RPS6KA2: variants seen among roughly 807,000 people sequenced by gnomAD.
RPS6KA2 encodes ribosomal protein S6 kinase A2.
Under a neutral mutation model 91.8 loss-of-function variants are expected in RPS6KA2, and 42 were observed. The observed-to-expected ratio is 0.46, with a 90% CI of 0.36 to 0.59. RPS6KA2 has a LOEUF of 0.59. Among genes scored for constraint, RPS6KA2 ranks in the 20% least tolerant of loss-of-function variants. The probability of loss-of-function intolerance (pLI) is 0.00; values close to 1 mark genes in which losing one functional copy is unlikely to be tolerated. For synonymous variants in RPS6KA2, 414 were observed against 393.6 expected, an observed-to-expected ratio of 1.05 and a Z score of -0.61; for missense variants, 798 against 978.5, an observed-to-expected ratio of 0.82 and a Z score of 2.46.
intron 2 of RPS6KA2, among the ~76,000 whole-genome samples, chr6:166,698,074 G>A (rs192638110): frequency 6.6e-6 from 1 of 152,320 alleles, no homozygotes; most frequent in East Asian, 1.9e-4. Flanking sequence ...GTCCGGCTGG[G>A]ATTCCTGTCT....
rs1331535043 is a variant in RPS6KA2 at position 166,770,447 on chromosome 6, C to A, written c.123+87753G>T. Among the ~76,000 whole-genome samples the A allele has an allele frequency of 2.4e-5, 3 of 126,752 alleles. No individual in the cohort carries two copies. The East Asian group carries it at 8.5e-4, about 36-fold the overall frequency. The allele number at this position is 126,752 out of a possible 152,430, so 83.2% of individuals were successfully genotyped here. ...GACACAGCCCCAGGCAGCTTCAGCA[C>A]CCCCACGTTTGCCTCGCTGCCATGG... On this transcript the variant is annotated intron_variant, in intron 2 of 21. Transcript: ENST00000503859. The surrounding 1 kb of genome is among the most constrained non-coding windows in gnomAD (Gnocchi z 5.1).
At chr6:166,505,560 G>A (rs956419423) in intron 5 of RPS6KA2, among the ~76,000 whole-genome samples, 8 of 152,356 alleles carry the variant, frequency 5.3e-5, no homozygotes, top group South Asian at 4.1e-4. Flanking sequence ...GTAAGCAGAC[G>A]TGAAAAATCA....
intron 1 of RPS6KA2, among the ~76,000 whole-genome samples, chr6:166,552,450 C>T (rs1784050351): frequency 6.6e-6 from 1 of 152,196 alleles, no homozygotes; most frequent in Non-Finnish European, 1.5e-5. Context: ...AAGATGTGGG[C>T]TTGAGAACTT....
chr6:166,772,866 T>C (rs1778513920), intron 2 of RPS6KA2, among the ~76,000 whole-genome samples: 1 of 152,198 alleles, frequency 6.6e-6, no homozygotes, highest in African/African-American at 2.4e-5. Context: ...TCCTGGACTC[T>C]CTTCTTTGCA....
intron 14 of RPS6KA2, among the ~76,000 whole-genome samples, chr6:166,440,978 T>C (rs931897687): frequency 1.7e-4 from 26 of 152,306 alleles, no homozygotes; most frequent in African/African-American, 6.3e-4. Context: ...AGGAGCTTCT[T>C]TGATTAGAGA....
chr6:166,427,622 A>G (rs1163809775), intron 16 of RPS6KA2, among the ~76,000 whole-genome samples: 2 of 152,250 alleles, frequency 1.3e-5, no homozygotes, highest in African/African-American at 4.8e-5. Context: ...TACAAAATCA[A>G]TGTACAAAAA....
At chr6:166,478,132 C>T (rs7742938) in intron 10 of RPS6KA2, among the ~76,000 whole-genome samples, 14,271 of 152,246 alleles carry the variant, frequency 0.094, 1,676 homozygotes, top group African/African-American at 0.28. Context: ...GTGACTGCGG[C>T]AGCTCGGCTG....
rs1781701655 is a variant in RPS6KA2 at position 166,494,171 on chromosome 6, G to A, written c.748-3430C>T. ...GGCCTGGCTTTGCAGGGTATGGAGG[G>A]GCTGGGTCTCGGAGAGCTGTGTTGA... is the stretch of plus-strand genomic sequence containing the variant. On this transcript the variant is annotated intron_variant, in intron 8 of 20. Transcript: ENST00000265678. The surrounding 1 kb of genome is among the most constrained non-coding windows in gnomAD (Gnocchi z 5.1). Among the ~76,000 whole-genome samples, 1 of 152,200 alleles carries A rather than the reference G, an allele frequency of 6.6e-6. No homozygotes were observed. The highest frequency in any genetic ancestry group is 2.4e-5 in the African/African-American group (1 of 41,444).
intron 2 of RPS6KA2, among the ~76,000 whole-genome samples, chr6:166,715,330 C>T (rs910495057): frequency 3.9e-5 from 6 of 152,194 alleles, no homozygotes; most frequent in Non-Finnish European, 7.3e-5. Context: ...CTGCATGGGG[C>T]ACTTGAATTA....
chr6:166,655,748 A>C (rs538729489), intron 2 of RPS6KA2, among the ~76,000 whole-genome samples: 10 of 152,382 alleles, frequency 6.6e-5, no homozygotes, highest in Non-Finnish European at 1.5e-4. Context: ...TGAAGCAGCC[A>C]GGACTCCCAC....
chr6:166,846,798 A>G (rs1780616844), intron 2 of RPS6KA2, among the ~76,000 whole-genome samples: 1 of 152,218 alleles, frequency 6.6e-6, no homozygotes, highest in African/African-American at 2.4e-5. Flanking sequence ...GAGAACTGGA[A>G]CAAGACAAGG....
chr6:166,634,555 A>C (rs1001870851), intron 2 of RPS6KA2, among the ~76,000 whole-genome samples: 18 of 152,236 alleles, frequency 1.2e-4, no homozygotes, highest in African/African-American at 4.3e-4. Context: ...GACCACAAAC[A>C]TGGAAAAACA....
At chr6:166,413,158 G>A (rs1309453512) in intron 20 of RPS6KA2, among the ~76,000 whole-genome samples, 1 of 152,042 alleles carries the variant, frequency 6.6e-6, no homozygotes, top group Non-Finnish European at 1.5e-5. Flanking sequence ...AAATGTTTTG[G>A]ACGCTTGTGG....
At chr6:166,703,453 T>C (rs1008214187) in intron 2 of RPS6KA2, among the ~76,000 whole-genome samples, 10 of 152,236 alleles carry the variant, frequency 6.6e-5, no homozygotes, top group Non-Finnish European at 5.9e-5. Context: ...TTGTCTTCAT[T>C]ATGAAGCCTA....
chr6:166,862,566 TC>T (rs1183427640), upstream of RPS6KA2: 4 of 251,976 alleles, frequency 1.6e-5, no homozygotes, highest in South Asian at 5.2e-5. Context: ...TTCCTGCCTC[TC>T]CCCCCTCCCT....
intron 1 of RPS6KA2, among the ~76,000 whole-genome samples, chr6:166,550,925 T>C (rs1448706605): frequency 3.9e-4 from 56 of 143,650 alleles, no homozygotes; most frequent in Admixed American, 2.6e-3. Flanking sequence ...CGCTTGAACC[T>C]GGGAGGCGGA....
rs140711938 is a variant in RPS6KA2 at position 166,691,438 on chromosome 6, C to T, written c.124-152654G>A. The stretch of plus-strand genomic sequence containing the variant: ...CTCGTGTGTCACTCCCTGCCCCAGG[C>T]GCCCGACACCTTCCCCGCCAAGCTC... On this transcript the variant is annotated intron_variant, in intron 2 of 21. Coordinates refer to the RPS6KA2 transcript ENST00000503859. 1.9e-3 allele frequency among the ~76,000 whole-genome samples: 285 copies of T among 152,256 alleles called. 2 individuals are homozygous for T. The highest frequency in any genetic ancestry group is 3.0e-3 in the Non-Finnish European group (206 of 68,040).
intron 1 of RPS6KA2, among the ~76,000 whole-genome samples, chr6:166,604,353 T>C (rs1785861997): frequency 6.6e-6 from 1 of 152,046 alleles, no homozygotes; most frequent in South Asian, 2.1e-4. Context: ...TTTGCTTATA[T>C]GATCTATTTG....
chr6:166,496,435 T>C (rs903675827), intron 8 of RPS6KA2, among the ~76,000 whole-genome samples: 1 of 151,872 alleles, frequency 6.6e-6, no homozygotes, highest in Non-Finnish European at 1.5e-5. Context: ...GGTTTTATGA[T>C]CTGTTGCCTT....
Sources: gnomAD v4.1 joint callset for allele counts (sites outside exome capture counted in the v4.1 genomes callset) on GRCh38, gnomAD v4.1.1 for gene constraint, Gnocchi (gnomAD v3.1) non-coding constraint, MANE v1.5 for transcripts, NCBI Gene and HGNC (gene_info 2026-07-23, HGNC 2026-07-21) for gene names.